Variants in SLC6A6 observed in about 807,000 individuals in gnomAD.
SLC6A6 encodes the protein solute carrier family 6 member 6.
In SLC6A6, 16 loss-of-function variants were observed where a neutral mutation model predicts 68.8. The observed-to-expected ratio is 0.23, with a 90% CI of 0.16 to 0.35. SLC6A6 has a LOEUF of 0.35. SLC6A6 is among the 10% of genes least tolerant of loss of function. The probability of loss-of-function intolerance (pLI) is 1.00; values close to 1 mark genes in which losing one functional copy is unlikely to be tolerated. For missense variants in SLC6A6, 474 were observed against 802.8 expected (o/e 0.59, Z 4.95); for synonymous variants, 312 against 315.4 (o/e 0.99, Z 0.12).
At chr3:14,444,032 CAG>C (rs971001728) in intron 3 of SLC6A6, 169 bp downstream of exon 3, 5 of 604,108 alleles carry the variant, frequency 8.3e-6, no homozygotes, top group Non-Finnish European at 1.2e-5. Flanking sequence ...CCCTTAGAGA[CAG>C]GGGATAAGCC....
At chr3:14,473,250 C>G (rs1050326197) in intron 10 of SLC6A6, among the ~76,000 whole-genome samples, 1 of 152,170 alleles carries the variant, frequency 6.6e-6, no homozygotes, top group Non-Finnish European at 1.5e-5. Flanking sequence ...AGGCATGACT[C>G]CAGGAGTAGG....
intron 10 of SLC6A6, among the ~76,000 whole-genome samples, chr3:14,476,532 G>A (rs1337778193): frequency 3.3e-5 from 5 of 152,314 alleles, no homozygotes; most frequent in South Asian, 4.1e-4. Context: ...GCGTGTGTGC[G>A]CACATGCAAA....
At chr3:14,471,826 C>T (rs1212055002) in intron 9 of SLC6A6, among the ~76,000 whole-genome samples, 4 of 152,200 alleles carry the variant, frequency 2.6e-5, no homozygotes, top group African/African-American at 9.7e-5. Flanking sequence ...CACGCTCCCC[C>T]GCCTCCTTCC....
Position 14,477,391 on chromosome 3 carries a change from C to T in SLC6A6, c.1347+49C>T, listed in dbSNP as rs142252439. 6.7e-4 allele frequency: 1,066 copies of T among 1,593,590 alleles called. 1 individual carries two copies. Among genetic ancestry groups the T allele is most frequent in the Middle Eastern group, 1.5e-3 (9 of 5,918 alleles). On this transcript the variant is annotated intron_variant, in intron 11 of 14. Transcript: ENST00000622186. This position sits in a 1 kb window ranked among gnomAD's most constrained non-coding sequence, Gnocchi z 4.2. ...TTCAGGCTTGGTGCTCCAGTGCCCTCCTCAAGGCCATAGTGGAGGCAGCAG... is the reference window on the plus strand; with the variant it reads ...TTCAGGCTTGGTGCTCCAGTGCCCTTCTCAAGGCCATAGTGGAGGCAGCAG...
At chr3:14,464,037 C>G (rs1283704519) in intron 6 of SLC6A6, among the ~76,000 whole-genome samples, 1 of 152,210 alleles carries the variant, frequency 6.6e-6, no homozygotes, top group Non-Finnish European at 1.5e-5. Context: ...AGGTGGCTCC[C>G]CAGCTGACCC....
chr3:14,453,916 C>A (rs1201869987), intron 5 of SLC6A6, among the ~76,000 whole-genome samples: 1 of 152,188 alleles, frequency 6.6e-6, no homozygotes, highest in African/African-American at 2.4e-5. Context: ...GGGAATGGCC[C>A]AGATAGCAGC....
chr3:14,485,096 G>T lies in SLC6A6; in HGVS notation c.*89G>T. 8.5e-7 allele frequency: 1 copy of T among 1,169,976 alleles called. No homozygotes were observed. 72.5% of individuals were successfully genotyped at this position (1,169,976 alleles called of 1,614,324 possible). A position where few individuals can be genotyped will look rare whatever the true frequency, so the allele number is the denominator to read the frequency against. On this transcript the variant is annotated 3_prime_UTR_variant, in exon 15 of 15. Transcript: ENST00000622186. Reference sequence around the variant, plus strand: ...ACCAGGTTTACAGAGCTTTATATTTGCACTAGGATTTTTTTTTTTTTGTAA... The same window carrying T: ...ACCAGGTTTACAGAGCTTTATATTTTCACTAGGATTTTTTTTTTTTTGTAA...
intron 1 of SLC6A6, among the ~76,000 whole-genome samples, chr3:14,409,985 A>G (rs942952762): frequency 1.3e-5 from 2 of 152,192 alleles, no homozygotes; most frequent in African/African-American, 2.4e-5. Flanking sequence ...CAGGAGTTCG[A>G]GACCAGCCTG....
chr3:14,467,877 A>G lies in SLC6A6; in HGVS notation c.892A>G (p.Ile298Val). Residue 298 changes from isoleucine to valine, a missense_variant, in exon 8 of 15, where the codon ATA (isoleucine) becomes GTA (valine). By Grantham distance (29) the Ile-to-Val change is conservative. Transcript: ENST00000622186. ...PQVWIDAGTQ[I>V]FFSYAICLGA... ...GGTGTGGATTGACGCTGGGACTCAG[A>G]TATTCTTCTCTTATGCCATCTGCCT... is the stretch of plus-strand genomic sequence containing the variant. 1 of 1,613,026 alleles carries G rather than the reference A, an allele frequency of 6.2e-7. No homozygotes were observed. Among genetic ancestry groups the G allele is most frequent in the Non-Finnish European group, 8.5e-7 (1 of 1,179,266 alleles).
At chr3:14,449,274 C>T (rs1700201526) in intron 5 of SLC6A6, among the ~76,000 whole-genome samples, 1 of 152,244 alleles carries the variant, frequency 6.6e-6, no homozygotes, top group African/African-American at 2.4e-5. Context: ...CTTAGGCCCA[C>T]TGTCACTGGG....
intron 1 of SLC6A6, among the ~76,000 whole-genome samples, chr3:14,410,527 G>A (rs919756019): frequency 1.4e-4 from 22 of 152,336 alleles, no homozygotes; most frequent in East Asian, 7.7e-4. Flanking sequence ...GGAATAGAAC[G>A]TGGAAGGTAG....
Position 14,402,690 on chromosome 3 carries a change from G to A in SLC6A6, c.-211G>A. On this transcript the variant is annotated 5_prime_UTR_variant, in exon 1 of 15. Transcript: ENST00000622186. The surrounding 1 kb of genome is among the most constrained non-coding windows in gnomAD (Gnocchi z 4.8). ...CCGCTTCCTTCGCGCCGCCGCCAAC[G>A]CCGAGCCCCGAGGACCGCAAGCCCA... 2.5e-6 allele frequency: 1 copy of A among 398,262 alleles called. No homozygotes were observed. Among genetic ancestry groups the A allele is most frequent in the Non-Finnish European group, 4.4e-6 (1 of 225,830 alleles). The allele number at this position is 398,262 out of a possible 1,614,324, so 24.7% of individuals were successfully genotyped here. A position where few individuals can be genotyped will look rare whatever the true frequency, so the allele number is the denominator to read the frequency against.
chr3:14,427,403 G>T (rs1398382966), intron 2 of SLC6A6, among the ~76,000 whole-genome samples: 2 of 152,202 alleles, frequency 1.3e-5, no homozygotes, highest in Non-Finnish European at 2.9e-5. Context: ...AGCATATGCT[G>T]CCCACGGTTG....
chr3:14,477,455 C>T lies in SLC6A6; in HGVS notation c.1347+113C>T. 1 of 1,097,774 alleles carries T rather than the reference C, an allele frequency of 9.1e-7. No homozygotes were observed. The highest frequency in any genetic ancestry group is 1.3e-6 in the Non-Finnish European group (1 of 742,772). 68.0% of individuals were successfully genotyped at this position (1,097,774 alleles called of 1,614,324 possible). On this transcript the variant is annotated intron_variant, in intron 11 of 14. Coordinates refer to ENST00000622186, the MANE Select transcript of SLC6A6 (RefSeq NM_003043.6). The surrounding 1 kb of genome is among the most constrained non-coding windows in gnomAD (Gnocchi z 4.2). ...CCAGGTAGGGGCTTCATCTCCCAGC[C>T]CCACCCAATTCAGGGGTCCTGCTTG...
At chr3:14,462,030 C>G (rs1700507513) in intron 6 of SLC6A6, among the ~76,000 whole-genome samples, 1 of 152,208 alleles carries the variant, frequency 6.6e-6, no homozygotes, top group African/African-American at 2.4e-5. Context: ...GCTTTTGGGT[C>G]TAGGGCTCAG....
At chr3:14,470,306 C>T (rs1700722939) in intron 9 of SLC6A6, among the ~76,000 whole-genome samples, 2 of 152,208 alleles carry the variant, frequency 1.3e-5, no homozygotes, top group South Asian at 2.1e-4. Flanking sequence ...GTGATTATTT[C>T]TCTAATAAGC....
At chr3:14,403,442 C>T (rs972916727) in intron 1 of SLC6A6, among the ~76,000 whole-genome samples, 2 of 152,110 alleles carry the variant, frequency 1.3e-5, no homozygotes, top group Non-Finnish European at 2.9e-5. Context: ...TCTCCAGGTC[C>T]CTGGTTGTGG....
chr3:14,441,799 A>G (rs772668995), intron 2 of SLC6A6, among the ~76,000 whole-genome samples: 13 of 152,250 alleles, frequency 8.5e-5, no homozygotes, highest in Non-Finnish European at 1.3e-4. Context: ...CAGGGTTTGC[A>G]GTTGTCACCA....
chr3:14,461,825 T>A lies in SLC6A6; in HGVS notation c.732+3743T>A, dbSNP rs550026284. ...TAGGGCCTGCCTAGGATCTCTGGGATCAATGGCGAGCCCTGCTGCCCAGGC... is the reference window on the plus strand; with the variant it reads ...TAGGGCCTGCCTAGGATCTCTGGGAACAATGGCGAGCCCTGCTGCCCAGGC... On this transcript the variant is annotated intron_variant, in intron 6 of 14. Coordinates refer to ENST00000622186, the MANE Select transcript of SLC6A6 (RefSeq NM_003043.6). Among the ~76,000 whole-genome samples, 100 of 152,242 alleles carry A rather than the reference T, an allele frequency of 6.6e-4. 4 individuals are homozygous for A. The South Asian group carries it at 0.019, about 30-fold the overall frequency.
Sources: allele counts gnomAD v4.1 joint callset (sites outside exome capture counted in the v4.1 genomes callset), GRCh38; gene constraint gnomAD v4.1.1; non-coding constraint Gnocchi (gnomAD v3.1); transcripts MANE v1.5; gene names NCBI Gene and HGNC (gene_info 2026-07-23, HGNC 2026-07-21).